Variants in PAPPA observed in about 807,000 individuals in gnomAD.
PAPPA encodes the protein pappalysin 1, also known as pappalysin-1.
In PAPPA, 60 loss-of-function variants were observed where a neutral mutation model predicts 164.0. That is an observed-to-expected ratio of 0.37 (90% CI 0.30 to 0.45). PAPPA has a LOEUF of 0.45. Among genes scored for constraint, PAPPA ranks in the 20% least tolerant of loss-of-function variants. The pLI is 1.00. For missense variants in PAPPA, 1,782 were observed against 2,087.3 expected, an observed-to-expected ratio of 0.85 and a Z score of 2.85; for synonymous variants, 875 against 814.1, an observed-to-expected ratio of 1.07 and a Z score of -1.27.
At chr9:116,284,072 C>G (rs776570495) in intron 9 of PAPPA, among the ~76,000 whole-genome samples, 3 of 152,138 alleles carry the variant, frequency 2.0e-5, no homozygotes, top group Non-Finnish European at 4.4e-5. Context: ...ATTTATTGAG[C>G]ACCTCTTATG....
Position 116,321,138 on chromosome 9 carries a change from C to T in PAPPA, c.3148-10106C>T, listed in dbSNP as rs902262224. ...CACCTCCTGGATTCACTCCATTTTCCTGCCTCAGCCTCCCGAGTAGCTGGG... is the reference window on the plus strand; with the variant it reads ...CACCTCCTGGATTCACTCCATTTTCTTGCCTCAGCCTCCCGAGTAGCTGGG... On this transcript the variant is annotated intron_variant, in intron 10 of 21. Coordinates refer to ENST00000328252, the MANE Select transcript of PAPPA (RefSeq NM_002581.5). 6.6e-5 allele frequency among the ~76,000 whole-genome samples: 10 copies of T among 152,134 alleles called. 1 individual carries two copies. The East Asian group carries it at 1.7e-3, about 26-fold the overall frequency.
chr9:116,381,465 G>A (rs554718796), intron 20 of PAPPA, among the ~76,000 whole-genome samples: 5 of 152,298 alleles, frequency 3.3e-5, no homozygotes, highest in African/African-American at 9.6e-5. Flanking sequence ...ATGTGCTAGC[G>A]GTTGGGATGA....
At chr9:116,315,814 A>C (rs1019481599) in intron 10 of PAPPA, among the ~76,000 whole-genome samples, 3 of 152,258 alleles carry the variant, frequency 2.0e-5, no homozygotes, top group Admixed American at 2.0e-4. Context: ...GAAGGACTAC[A>C]CAATAACAAC....
rs1016406958 is a variant in PAPPA, at chr9:116,188,013, C to A, written c.1275C>A (p.Asp425Glu). The change falls in exon 2 of 22, where the codon GAC becomes GAA. Residue 425 changes from aspartate to glutamate, a missense_variant. Around this residue, in one of 2 missense-constraint regions of PAPPA, gnomAD observed 1,324 missense variants for 1,656.9 expected, o/e 0.80. Coordinates refer to ENST00000328252, the MANE Select transcript of PAPPA (RefSeq NM_002581.5). ...GCAAGATTGGGGATGAGAACTGTGA[C>A]CCCGAGTGCAACCACACGCTGACGG... Reference protein sequence around the residue: ...DISKIGDENCDPECNHTLTGH... With the variant: ...DISKIGDENCEPECNHTLTGH... 5.0e-6 allele frequency: 8 copies of A among 1,614,088 alleles called. No homozygotes were observed. Among genetic ancestry groups the A allele is most frequent in the Non-Finnish European group, 5.9e-6 (7 of 1,180,048 alleles).
intron 9 of PAPPA, among the ~76,000 whole-genome samples, chr9:116,285,361 G>A (rs1197255886): frequency 6.6e-6 from 1 of 151,832 alleles, no homozygotes; most frequent in African/African-American, 2.4e-5. Flanking sequence ...TAGACATGGG[G>A]TCTCACCATG....
At chr9:116,322,777 GC>G (rs1400024099) in intron 10 of PAPPA, among the ~76,000 whole-genome samples, 3 of 147,372 alleles carry the variant, frequency 2.0e-5, no homozygotes, top group Non-Finnish European at 4.6e-5. Context: ...ACACTGGCTG[GC>G]TGTGTGTGTG....
intron 7 of PAPPA, among the ~76,000 whole-genome samples, chr9:116,247,354 G>A (rs1240994962): frequency 6.6e-6 from 1 of 152,150 alleles, no homozygotes; most frequent in Non-Finnish European, 1.5e-5. Context: ...GGCTCCCAGA[G>A]GTTGCTGAAA....
In PAPPA at chr9:116,382,553, C is replaced by T. The variant is rs561745037; in HGVS notation, c.4776+60C>T. 1.8e-4 allele frequency: 173 copies of T among 978,892 alleles called. 1 individual carries two copies. In the Middle Eastern group the frequency reaches 2.5e-3, roughly 14 times the overall value. 60.6% of individuals were successfully genotyped at this position (978,892 alleles called of 1,614,324 possible). A position where few individuals can be genotyped will look rare whatever the true frequency, so the allele number is the denominator to read the frequency against. On this transcript the variant is annotated intron_variant, in intron 21 of 21. Transcript: ENST00000328252. ...TGCCCACTTCTCCAGCTTGTGGGGC[C>T]AGGATCACTCCTTCATGGCTGGACA...
chr9:116,184,837 C>T (rs868739149), intron 1 of PAPPA, among the ~76,000 whole-genome samples: 2 of 152,126 alleles, frequency 1.3e-5, no homozygotes, highest in African/African-American at 4.8e-5. Context: ...TACCCTTTCT[C>T]GTCTCCGGCT....
chr9:116,396,073 A>G (rs184895243), intron 21 of PAPPA, among the ~76,000 whole-genome samples: 2 of 152,302 alleles, frequency 1.3e-5, no homozygotes, highest in East Asian at 3.9e-4. Context: ...TCAGCTCTAC[A>G]TAGGGACCTG....
intron 14 of PAPPA, among the ~76,000 whole-genome samples, chr9:116,346,584 A>G (rs992527698): frequency 6.6e-6 from 1 of 152,206 alleles, no homozygotes; most frequent in Non-Finnish European, 1.5e-5. Flanking sequence ...AGAGCTAATA[A>G]AAGACATACA....
intron 10 of PAPPA, among the ~76,000 whole-genome samples, chr9:116,308,897 C>A (rs1214281603): frequency 6.6e-6 from 1 of 152,026 alleles, no homozygotes; most frequent in African/African-American, 2.4e-5. Context: ...AAAATTATTT[C>A]TTAAATTTTG....
chr9:116,319,004 T>C (rs562998116), intron 10 of PAPPA, among the ~76,000 whole-genome samples: 13 of 152,084 alleles, frequency 8.5e-5, no homozygotes, highest in Non-Finnish European at 1.9e-4. Flanking sequence ...TGCCAGACTT[T>C]CCCTCTCCCC....
intron 9 of PAPPA, among the ~76,000 whole-genome samples, chr9:116,293,744 C>T (rs1248235392): frequency 2.0e-5 from 3 of 152,084 alleles, no homozygotes; most frequent in African/African-American, 7.2e-5. Context: ...CACCTGAGGT[C>T]GGGAGTTCGA....
rs1415448595 is a variant in PAPPA at position 116,154,389 on chromosome 9, C to A, written c.217C>A (p.Arg73Ser). 1.0e-5 allele frequency: 11 copies of A among 1,100,418 alleles called. No individual in the cohort carries two copies. The East Asian group carries it at 3.8e-4, about 38-fold the overall frequency. 68.2% of individuals were successfully genotyped at this position (1,100,418 alleles called of 1,614,324 possible). ...PPPGGAWEAV[R>S]VPRRRQQREA... ...GCCGGGCGGTGCCTGGGAAGCCGTG[C>A]GCGTCCCCCGGCGGCGGCAGCAGCG... is the stretch of plus-strand genomic sequence containing the variant. The change falls in exon 1 of 22, where the codon CGC becomes AGC. Residue 73 changes from arginine (R) to serine (S), a missense_variant. Coordinates refer to ENST00000328252, the MANE Select transcript of PAPPA (RefSeq NM_002581.5). This position sits in a 1 kb window ranked among gnomAD's most constrained non-coding sequence, Gnocchi z 5.2.
At chr9:116,253,991 A>T (rs575306070) in intron 7 of PAPPA, among the ~76,000 whole-genome samples, 9 of 152,250 alleles carry the variant, frequency 5.9e-5, no homozygotes, top group Non-Finnish European at 8.8e-5. Context: ...AACAAGTATG[A>T]TGATGTCATT....
At chr9:116,283,361 G>A (rs1845290134) in intron 9 of PAPPA, among the ~76,000 whole-genome samples, 1 of 152,152 alleles carries the variant, frequency 6.6e-6, no homozygotes, top group African/African-American at 2.4e-5. Flanking sequence ...GTGGGACTCA[G>A]ATAAGACCAG....
At chr9:116,261,912 TA>T (rs1554745036) in intron 7 of PAPPA, among the ~76,000 whole-genome samples, 34 of 149,936 alleles carry the variant, frequency 2.3e-4, no homozygotes, top group East Asian at 5.8e-4. Flanking sequence ...TTGTTTTGTT[TA>T]AAAAAAAAAT....
Position 116,362,574 on chromosome 9 carries a change from T to C in PAPPA, c.4348-18T>C, listed in dbSNP as rs758866273. The C allele has an allele frequency of 5.0e-6, 8 of 1,610,440 alleles. No individual in the cohort carries two copies. In the South Asian group the frequency reaches 8.9e-5, roughly 18 times the overall value. ...CTGGTGTCTCTCTTGGTCCTAACTC[T>C]GTTTCTCTGTTGTTCAGGGACTTGG... On this transcript the variant is annotated intron_variant, in intron 17 of 21. Transcript: ENST00000328252.
Sources: allele counts gnomAD v4.1 joint callset (sites outside exome capture counted in the v4.1 genomes callset), GRCh38; gene constraint gnomAD v4.1.1; regional missense constraint gnomAD v4.1.1; non-coding constraint Gnocchi (gnomAD v3.1); transcripts MANE v1.5; gene names NCBI Gene and HGNC (gene_info 2026-07-23, HGNC 2026-07-21).